The following ANKMY2 variants were observed in gnomAD, a reference collection of about 807,000 sequenced individuals.
ANKMY2 encodes ankyrin repeat and MYND domain containing 2, also known as ankyrin repeat and MYND domain-containing protein 2.
Under a neutral mutation model 50.4 loss-of-function variants are expected in ANKMY2, and 36 were observed. That is an observed-to-expected ratio of 0.71 (90% CI 0.55 to 0.94). ANKMY2 has a LOEUF of 0.94. Ranked by LOEUF, ANKMY2 falls within the 40% of genes least tolerant of loss-of-function variation. The pLI is 0.00. For missense variants in ANKMY2, 565 were observed against 524.0 expected (o/e 1.08, Z -0.76); for synonymous variants, 187 against 178.8 (o/e 1.05, Z -0.36).
chr7:16,616,972 C>T (rs1781364236), intron 4 of ANKMY2, among the ~76,000 whole-genome samples: 1 of 152,208 alleles, frequency 6.6e-6, no homozygotes, highest in African/African-American at 2.4e-5. Flanking sequence ...CCTGGGAGAA[C>T]CCAGGAGTGG....
chr7:16,600,873 T>C lies in ANKMY2; in HGVS notation c.1214A>G (p.Lys405Arg), dbSNP rs753181901. 1 of 1,613,288 alleles carries C rather than the reference T, an allele frequency of 6.2e-7. No homozygotes were observed. Among genetic ancestry groups the C allele is most frequent in the South Asian group, 1.1e-5 (1 of 90,914 alleles). Residue 405 changes from lysine (K) to arginine (R), a missense_variant, in exon 10 of 10, where the codon AAG (lysine) becomes AGG (arginine). Coordinates refer to ENST00000306999, the MANE Select transcript of ANKMY2 (RefSeq NM_020319.3). ...CCCGGAATCTTCAGGATTGGAATCC[T>C]TTTGAGAGATACCTACTTCAGCCTC... ...QPEAEVGISQ[K>R]DSNPEDSGEG... is the part of the protein sequence containing the mutation.
intron 1 of ANKMY2, 30 bp from the exon 2 acceptor site, chr7:16,636,485 G>C (rs1395829768): frequency 1.3e-6 from 2 of 1,514,122 alleles, no homozygotes; most frequent in Non-Finnish European, 1.8e-6. Flanking sequence ...GAAAAGTAAG[G>C]TTATTCGTCA....
chr7:16,609,085 C>T (rs1200644157), intron 7 of ANKMY2, among the ~76,000 whole-genome samples: 4 of 152,144 alleles, frequency 2.6e-5, no homozygotes, highest in Non-Finnish European at 5.9e-5. Flanking sequence ...ACAAAATACA[C>T]TTATATAGTG....
chr7:16,635,598 T>C (rs1311195069), intron 2 of ANKMY2, among the ~76,000 whole-genome samples: 1 of 152,192 alleles, frequency 6.6e-6, no homozygotes, highest in Non-Finnish European at 1.5e-5. Context: ...TTATTTGAAG[T>C]GTTTAATGGT....
chr7:16,625,773 G>C (rs549607922), intron 3 of ANKMY2, among the ~76,000 whole-genome samples: 1 of 152,184 alleles, frequency 6.6e-6, no homozygotes, highest in Admixed American at 6.5e-5. Context: ...CCCCCAAATA[G>C]TGTAAAGAAG....
intron 1 of ANKMY2, among the ~76,000 whole-genome samples, chr7:16,642,166 GC>G (rs1217819082): frequency 6.6e-6 from 1 of 151,110 alleles, no homozygotes; most frequent in African/African-American, 2.4e-5. Flanking sequence ...GCAACAGTAA[GC>G]CCAGGAATTT....
intron 3 of ANKMY2, 48 bp downstream of exon 3, chr7:16,626,992 T>G (rs760256664): frequency 6.8e-7 from 1 of 1,461,412 alleles, no homozygotes; most frequent in African/African-American, 1.4e-5. Context: ...TATGTACTTA[T>G]AACAAGTTTG....
At chr7:16,629,619 A>G (rs13230918) in intron 2 of ANKMY2, among the ~76,000 whole-genome samples, 28,663 of 152,080 alleles carry the variant, frequency 0.19, 3,053 homozygotes, top group Middle Eastern at 0.28. Context: ...TGTGTATAAT[A>G]CAGTATATGA....
intron 7 of ANKMY2, among the ~76,000 whole-genome samples, chr7:16,607,879 C>CA (rs113528154): frequency 1.1e-3 from 159 of 143,618 alleles, no homozygotes; most frequent in African/African-American, 2.8e-3. Flanking sequence ...TTAGAAAAGC[C>CA]AAAAAAAAAA....
In ANKMY2 at chr7:16,602,371, T is replaced by C. The variant is rs1414153035; in HGVS notation, c.1141+9A>G. ...AAAAGCAGAGTGAACTCGGTTTTTA[T>C]ATACATACGGTTTTCCTCTTGTCTC... On this transcript the variant is annotated intron_variant, in intron 9 of 9. Transcript: ENST00000306999. 2.5e-6 allele frequency: 4 copies of C among 1,609,814 alleles called. No individual in the cohort carries two copies. In the South Asian group the frequency reaches 3.3e-5, roughly 13 times the overall value.
Position 16,627,160 on chromosome 7 carries a change from T to C in ANKMY2, c.151A>G (p.Met51Val), listed in dbSNP as rs1230702365. The C allele has an allele frequency of 3.8e-6, 6 of 1,593,208 alleles. No individual in the cohort carries two copies. The highest frequency in any genetic ancestry group is 5.1e-6 in the Non-Finnish European group (6 of 1,167,128). ...AGTTTTCCTTTATATGCTGCATGCATTAGAGGAGTCATTCCATTCTTTAAT... is the reference window on the plus strand; with the variant it reads ...AGTTTTCCTTTATATGCTGCATGCACTAGAGGAGTCATTCCATTCTTTAAT... ...CLDENGMTPLMHAAYKGKLDM... is the reference protein window; with the variant it reads ...CLDENGMTPLVHAAYKGKLDM... Residue 51 changes from methionine to valine, a missense_variant, in exon 3 of 10, where the codon ATG (methionine) becomes GTG (valine). Transcript: ENST00000306999.
chr7:16,609,619 A>AC lies in ANKMY2; in HGVS notation c.882+10_882+11insG. 1 of 1,594,374 alleles carries AC rather than the reference A, an allele frequency of 6.3e-7. No homozygotes were observed. Among genetic ancestry groups the AC allele is most frequent in the Non-Finnish European group, 8.5e-7 (1 of 1,174,428 alleles). On this transcript the variant is annotated intron_variant, in intron 7 of 9. Transcript: ENST00000306999. ...TACTGATAGAGTCAACTTAGGTAAG[A>AC]GGAGCCTTACAATTTCAACAGGAGC...
At chr7:16,637,088 C>T (rs1184281672) in intron 1 of ANKMY2, among the ~76,000 whole-genome samples, 1 of 152,142 alleles carries the variant, frequency 6.6e-6, no homozygotes, top group East Asian at 1.9e-4. Flanking sequence ...TTTTTCCAGT[C>T]TTCTATAAGG....
chr7:16,612,244 A>G (rs1311814109), intron 5 of ANKMY2, among the ~76,000 whole-genome samples: 1 of 152,226 alleles, frequency 6.6e-6, no homozygotes, highest in Non-Finnish European at 1.5e-5. Flanking sequence ...AGGCATGAAA[A>G]AAGATCATCT....
intron 9 of ANKMY2, among the ~76,000 whole-genome samples, chr7:16,601,167 A>C (rs1054470558): frequency 6.6e-6 from 1 of 152,214 alleles, no homozygotes; most frequent in Non-Finnish European, 1.5e-5. Context: ...CCAGCATTTG[A>C]ACTCAGGCCG....
At position 16,621,550 on chromosome 7, in the gene ANKMY2, G is replaced by A. The variant is rs3942597; in HGVS notation, c.370+3433C>T. On this transcript the variant is annotated intron_variant, in intron 4 of 9. Transcript: ENST00000306999. ...AACTCTAAACAAATAAATTCTAGATGTACCAAAAAAATCATAAAAAATAAC... is the reference window on the plus strand; with the variant it reads ...AACTCTAAACAAATAAATTCTAGATATACCAAAAAAATCATAAAAAATAAC... Among the ~76,000 whole-genome samples, 1,393 of 152,170 alleles carry A rather than the reference G, an allele frequency of 9.2e-3. 42 individuals are homozygous for A. Among genetic ancestry groups the A allele is most frequent in the Admixed American group, 0.065 (1,000 of 15,288 alleles).
intron 7 of ANKMY2, 95 bp downstream of exon 7, chr7:16,609,535 T>C (rs1010820948): frequency 7.6e-7 from 1 of 1,310,122 alleles, no homozygotes; most frequent in Non-Finnish European, 1.0e-6. Flanking sequence ...TCTGAAATAA[T>C]AAAAATAAAT....
At chr7:16,643,269 A>G (rs1781770308) in intron 1 of ANKMY2, among the ~76,000 whole-genome samples, 1 of 152,206 alleles carries the variant, frequency 6.6e-6, no homozygotes, top group Admixed American at 6.5e-5. Context: ...TGTCTCTCAT[A>G]CTGTCATAGC....
At chr7:16,615,614 A>C (rs780877335) in intron 5 of ANKMY2, 130 bp downstream of exon 5, 1 of 1,140,506 alleles carries the variant, frequency 8.8e-7, no homozygotes, top group Non-Finnish European at 1.2e-6. Context: ...TTAACAGGCC[A>C]AAAGAGCCCA....
Sources: gnomAD v4.1 joint callset for allele counts (sites outside exome capture counted in the v4.1 genomes callset) on GRCh38, gnomAD v4.1.1 for gene constraint, MANE v1.5 for transcripts, NCBI Gene and HGNC (gene_info 2026-07-23, HGNC 2026-07-21) for gene names.